The following CRACDL variants were observed in gnomAD, a reference collection of about 807,000 sequenced individuals.
CRACDL encodes the protein CRACD-like protein.
In CRACDL, 26 loss-of-function variants were observed where a neutral mutation model predicts 70.6. The ratio of observed to expected loss-of-function variants is 0.37; its 90% CI spans 0.27 to 0.51. The LOEUF is 0.51. Among genes scored for constraint, CRACDL ranks in the 20% least tolerant of loss-of-function variants. The pLI, the probability that CRACDL is intolerant of heterozygous loss-of-function variation, is 0.94. For synonymous variants in CRACDL, 618 were observed against 615.2 expected (o/e 1.00, Z -0.07); for missense variants, 1,283 against 1,376.9 (o/e 0.93, Z 1.08).
At chr2:98,869,344 T>G in intron 1 of CRACDL, 1 of 1,103,778 alleles carries the variant, frequency 9.1e-7, no homozygotes, top group Non-Finnish European at 1.2e-6. Flanking sequence ...CTTGGGCGGG[T>G]GCACAGGCAC....
chr2:98,902,463 TC>T (rs1708306458), intron 1 of CRACDL, among the ~76,000 whole-genome samples: 2 of 152,232 alleles, frequency 1.3e-5, no homozygotes, highest in African/African-American at 4.8e-5. Flanking sequence ...TGAAGTGGGC[TC>T]CCCGAGTGTG....
At chr2:98,817,347 T>A (rs1008349179) in intron 7 of CRACDL, among the ~76,000 whole-genome samples, 6 of 152,194 alleles carry the variant, frequency 3.9e-5, no homozygotes, top group African/African-American at 1.4e-4. Flanking sequence ...AGGGTCAATC[T>A]CATGTTATGT....
At chr2:98,884,355 A>G (rs574554184) in intron 1 of CRACDL, among the ~76,000 whole-genome samples, 1 of 152,220 alleles carries the variant, frequency 6.6e-6, no homozygotes, top group Non-Finnish European at 1.5e-5. Flanking sequence ...TACCTATCAC[A>G]CTCTCTGCAC....
At position 98,805,825 on chromosome 2, in the gene CRACDL, C is replaced by T. The variant is rs548489179; in HGVS notation, c.2417-8288G>A. Among the ~76,000 whole-genome samples, 5 of 152,374 alleles carry T rather than the reference C, an allele frequency of 3.3e-5. No homozygotes were observed. In the East Asian group the frequency reaches 9.6e-4, roughly 29 times the overall value. On this transcript the variant is annotated intron_variant, in intron 7 of 9. Transcript: ENST00000397899. Reference sequence around the variant, plus strand: ...CAGCCGGCTCTCCTGCTTTCCCAGGCCAGGCTTTCTGTGGTTTGAATTTCC... The same window carrying T: ...CAGCCGGCTCTCCTGCTTTCCCAGGTCAGGCTTTCTGTGGTTTGAATTTCC...
At chr2:98,935,318 C>T (rs2104716637) in intron 1 of CRACDL, among the ~76,000 whole-genome samples, 1 of 152,278 alleles carries the variant, frequency 6.6e-6, no homozygotes, top group South Asian at 2.1e-4. Context: ...TTCTGACTTG[C>T]ATTTCAAAAG....
At chr2:98,858,048 T>C (rs1265025355) in intron 1 of CRACDL, among the ~76,000 whole-genome samples, 3 of 152,162 alleles carry the variant, frequency 2.0e-5, no homozygotes, top group Non-Finnish European at 1.5e-5. Flanking sequence ...GTGGAAATTA[T>C]GCGATGAACT....
At chr2:98,818,430 T>G (rs1244215755) in intron 7 of CRACDL, among the ~76,000 whole-genome samples, 1 of 152,168 alleles carries the variant, frequency 6.6e-6, no homozygotes. Context: ...AACCAGGTGC[T>G]GGGGACAAAG....
chr2:98,919,449 C>T (rs887481495), intron 1 of CRACDL, among the ~76,000 whole-genome samples: 3 of 152,162 alleles, frequency 2.0e-5, no homozygotes, highest in African/African-American at 7.2e-5. Context: ...TTATATAATA[C>T]ATTAGTCATT....
chr2:98,872,952 A>C lies in CRACDL; in HGVS notation c.-10-26142T>G, dbSNP rs548171522. On this transcript the variant is annotated intron_variant, in intron 1 of 9. Transcript: ENST00000397899. ...CGCTTCCTAAGTTTTCTGACTTCGCATGCATTTTGTTCATAATTAGAAGAA... is the reference window on the plus strand; with the variant it reads ...CGCTTCCTAAGTTTTCTGACTTCGCCTGCATTTTGTTCATAATTAGAAGAA... Among the ~76,000 whole-genome samples, 4 of 152,320 alleles carry C rather than the reference A, an allele frequency of 2.6e-5. No homozygotes were observed. In the East Asian group the frequency reaches 7.7e-4, roughly 29 times the overall value.
rs1470360561 is a variant in CRACDL at position 98,821,843 on chromosome 2, C to T, written c.2416+14G>A. 3 of 1,606,630 alleles carry T rather than the reference C, an allele frequency of 1.9e-6. No individual in the cohort carries two copies. The highest frequency in any genetic ancestry group is 2.5e-6 in the Non-Finnish European group (3 of 1,178,576). ...CCAGGCCCTGCCCTTCCCGCACCCT[C>T]GGCGGGCTCTTACCAGCTCCCCTGC... On this transcript the variant is annotated intron_variant, in intron 7 of 9. Transcript: ENST00000397899.
chr2:98,886,891 G>A (rs574636901), intron 1 of CRACDL, among the ~76,000 whole-genome samples: 1 of 152,094 alleles, frequency 6.6e-6, no homozygotes, highest in Admixed American at 6.6e-5. Flanking sequence ...CCACATATAG[G>A]GAGCCCAGTC....
At chr2:98,906,891 G>C (rs111859174) in intron 1 of CRACDL, among the ~76,000 whole-genome samples, 4,267 of 152,248 alleles carry the variant, frequency 0.028, 80 homozygotes, top group Middle Eastern at 0.065. Context: ...AGAGTTTAGC[G>C]TGGTCTTGGG....
intron 1 of CRACDL, among the ~76,000 whole-genome samples, chr2:98,923,593 T>C (rs1389073163): frequency 3.9e-5 from 6 of 152,268 alleles, no homozygotes; most frequent in Admixed American, 3.9e-4. Flanking sequence ...GAATCCCTGA[T>C]GTACATGCAC....
intron 5 of CRACDL, 137 bp from the exon 6 acceptor site, chr2:98,827,306 C>CT (rs943539857): frequency 5.6e-4 from 350 of 622,760 alleles, no homozygotes; most frequent in South Asian, 8.0e-4. Context: ...GAAATACTTT[C>CT]TTTTTTTTTC....
chr2:98,885,060 A>G (rs1707765753), intron 1 of CRACDL, among the ~76,000 whole-genome samples: 1 of 152,162 alleles, frequency 6.6e-6, no homozygotes, highest in Admixed American at 6.5e-5. Context: ...CAGGGCATAG[A>G]AAGGTGTAGG....
intron 1 of CRACDL, among the ~76,000 whole-genome samples, chr2:98,854,279 C>CAAAAAAAAAAAAAAAAAAAA (rs1229198569): frequency 3.7e-5 from 2 of 54,186 alleles, no homozygotes; most frequent in Non-Finnish European, 7.4e-5. Flanking sequence ...GACTCTGTCT[C>CAAAAAAAAAAAAAAAAAAAA]AAAAAAAAAA....
intron 8 of CRACDL, 134 bp from the exon 9 acceptor site, chr2:98,796,398 T>C (rs1245294298): frequency 2.5e-6 from 2 of 810,130 alleles, no homozygotes; most frequent in Non-Finnish European, 4.0e-6. Context: ...GAGGGCGCCC[T>C]GGTGTCAGCT....
intron 1 of CRACDL, among the ~76,000 whole-genome samples, chr2:98,899,229 G>A (rs546500085): frequency 6.7e-4 from 102 of 152,320 alleles, no homozygotes; most frequent in African/African-American, 2.3e-3. Flanking sequence ...TCCTCTGCCA[G>A]CCTGCGGGCC....
intron 1 of CRACDL, among the ~76,000 whole-genome samples, chr2:98,907,498 G>A (rs1708443680): frequency 6.6e-6 from 1 of 152,118 alleles, no homozygotes; most frequent in African/African-American, 2.4e-5. Context: ...GAAGACTTCT[G>A]AAGTCCCTTC....
Sources: allele counts gnomAD v4.1 joint callset (sites outside exome capture counted in the v4.1 genomes callset), GRCh38; gene constraint gnomAD v4.1.1; transcripts MANE v1.5; gene names NCBI Gene and HGNC (gene_info 2026-07-23, HGNC 2026-07-21).